Variants in ROBO2 observed in about 807,000 individuals in gnomAD.
ROBO2 encodes roundabout guidance receptor 2, also known as roundabout homolog 2.
In ROBO2, 53 loss-of-function variants were observed where a neutral mutation model predicts 160.8. The ratio of observed to expected loss-of-function variants is 0.33; its 90% CI spans 0.26 to 0.41. The LOEUF (loss-of-function observed/expected upper bound fraction) is 0.41, where lower values mean the gene tolerates loss of function less well. Ranked by LOEUF, ROBO2 falls within the 10% of genes least tolerant of loss-of-function variation. The pLI is 1.00. For missense variants in ROBO2, 1,577 were observed against 1,722.4 expected (o/e 0.92, Z 1.49); for synonymous variants, 664 against 611.7 (o/e 1.09, Z -1.26).
intron 2 of ROBO2, among the ~76,000 whole-genome samples, chr3:77,383,595 C>G (rs1028053257): frequency 6.6e-6 from 1 of 151,932 alleles, no homozygotes; most frequent in African/African-American, 2.4e-5. Flanking sequence ...TAAACTAATT[C>G]AAAGTTTAGT....
chr3:76,556,524 T>C (rs1279001090), intron 2 of ROBO2, among the ~76,000 whole-genome samples: 2 of 152,184 alleles, frequency 1.3e-5, no homozygotes, highest in Non-Finnish European at 2.9e-5. Flanking sequence ...TTGATACATA[T>C]GCATATTATA....
chr3:76,803,937 G>A (rs926836726), intron 2 of ROBO2, among the ~76,000 whole-genome samples: 4 of 152,222 alleles, frequency 2.6e-5, no homozygotes, highest in Non-Finnish European at 5.9e-5. Flanking sequence ...GGAAAATGAT[G>A]TGTTCACTTA....
intron 2 of ROBO2, among the ~76,000 whole-genome samples, chr3:77,025,662 A>C (rs2062918782): frequency 6.6e-6 from 1 of 152,208 alleles, no homozygotes; most frequent in Admixed American, 6.5e-5. Flanking sequence ...CCTGGGTGGT[A>C]TCATTTGTGT....
chr3:76,825,603 CAAAAAAAAAAA>C (rs201063990), intron 2 of ROBO2, among the ~76,000 whole-genome samples: 12 of 72,506 alleles, frequency 1.7e-4, no homozygotes, highest in East Asian at 4.9e-4. Flanking sequence ...TCATCTTAGC[CAAAAAAAAAAA>C]AAAAAAAAAA....
At chr3:77,325,960 ATC>A (rs1214310046) in intron 2 of ROBO2, among the ~76,000 whole-genome samples, 11 of 152,202 alleles carry the variant, frequency 7.2e-5, no homozygotes, top group African/African-American at 2.7e-4. Flanking sequence ...GGAATTGAAG[ATC>A]CTAGATTCAT....
chr3:76,701,219 G>T (rs1297666041), intron 2 of ROBO2, among the ~76,000 whole-genome samples: 1 of 152,128 alleles, frequency 6.6e-6, no homozygotes, highest in African/African-American at 2.4e-5. Context: ...TTGTTGAATA[G>T]ATGAAGGAAA....
chr3:76,188,570 A>C (rs1264384725), intron 2 of ROBO2, among the ~76,000 whole-genome samples: 1 of 151,996 alleles, frequency 6.6e-6, no homozygotes, highest in African/African-American at 2.4e-5. Flanking sequence ...TGAGGGAATA[A>C]ATTTCTGTTG....
intron 2 of ROBO2, among the ~76,000 whole-genome samples, chr3:76,325,821 T>TA (rs2072968896): frequency 6.6e-6 from 1 of 152,002 alleles, no homozygotes; most frequent in Non-Finnish European, 1.5e-5. Context: ...GAATAAAACA[T>TA]ACCTGTTCCT....
At chr3:76,077,924 C>A (rs1048627806) in intron 2 of ROBO2, among the ~76,000 whole-genome samples, 3 of 152,140 alleles carry the variant, frequency 2.0e-5, no homozygotes, top group Admixed American at 2.0e-4. Context: ...CCCCCTTTTG[C>A]CACCAAAATA....
At position 76,589,986 on chromosome 3, in the gene ROBO2, T is replaced by C. The variant is rs535562423; in HGVS notation, c.110-508028T>C. On this transcript the variant is annotated intron_variant, in intron 2 of 26. Transcript: ENST00000487694. ...GGATCTCAGGAGAGTAACAATTAAA[T>C]GTATGTTCCGGATAATGAAAAATAT... 5.9e-5 allele frequency among the ~76,000 whole-genome samples: 9 copies of C among 152,296 alleles called. No homozygotes were observed. The East Asian group carries it at 1.7e-3, about 29-fold the overall frequency.
At chr3:76,022,830 T>A (rs2066614361) in intron 2 of ROBO2, among the ~76,000 whole-genome samples, 1 of 151,754 alleles carries the variant, frequency 6.6e-6, no homozygotes, top group Non-Finnish European at 1.5e-5. Flanking sequence ...AGTGTCACCC[T>A]GTCCTTTGAA....
intron 2 of ROBO2, among the ~76,000 whole-genome samples, chr3:77,188,995 AAG>A (rs2081559701): frequency 8.3e-6 from 1 of 120,508 alleles, no homozygotes; most frequent in Admixed American, 8.6e-5. Flanking sequence ...GAGAGAGAGA[AAG>A]AGAGAGACTT....
chr3:76,399,113 T>G (rs1003658645), intron 2 of ROBO2, among the ~76,000 whole-genome samples: 2 of 151,700 alleles, frequency 1.3e-5, no homozygotes, highest in Non-Finnish European at 2.9e-5. Flanking sequence ...TTTATAACAT[T>G]GAAATCATAT....
chr3:77,015,349 G>A (rs1317268488), intron 2 of ROBO2, among the ~76,000 whole-genome samples: 1 of 152,160 alleles, frequency 6.6e-6, no homozygotes, highest in Non-Finnish European at 1.5e-5. Flanking sequence ...TGGGATTTAT[G>A]GGAGGCACAG....
intron 3 of ROBO2, among the ~76,000 whole-genome samples, chr3:77,479,470 G>C (rs2084420902): frequency 6.6e-6 from 1 of 152,108 alleles, no homozygotes; most frequent in Non-Finnish European, 1.5e-5. Flanking sequence ...AGGAATGTCA[G>C]AGAGACATTG....
At chr3:76,007,464 C>T (rs941961191) in intron 2 of ROBO2, among the ~76,000 whole-genome samples, 6 of 151,968 alleles carry the variant, frequency 3.9e-5, no homozygotes, top group African/African-American at 7.3e-5. Context: ...AACTGCTTAT[C>T]GAAAGTGTAC....
intron 2 of ROBO2, among the ~76,000 whole-genome samples, chr3:76,086,910 A>T (rs1308662146): frequency 6.6e-6 from 1 of 152,156 alleles, no homozygotes; most frequent in East Asian, 1.9e-4. Flanking sequence ...AATGCCTTTG[A>T]TGGGTTCATT....
chr3:76,934,012 A>G (rs1037181270), intron 2 of ROBO2, among the ~76,000 whole-genome samples: 1 of 152,126 alleles, frequency 6.6e-6, no homozygotes, highest in Non-Finnish European at 1.5e-5. Flanking sequence ...ATTCAGTAGC[A>G]TAAAATTTGC....
intron 2 of ROBO2, among the ~76,000 whole-genome samples, chr3:75,994,150 C>A (rs903074952): frequency 6.6e-6 from 1 of 152,080 alleles, no homozygotes; most frequent in Non-Finnish European, 1.5e-5. Flanking sequence ...ATCCAATTAA[C>A]TTTAGGGGGT....
Sources: gnomAD v4.1 joint callset for allele counts (sites outside exome capture counted in the v4.1 genomes callset) on GRCh38, gnomAD v4.1.1 for gene constraint, MANE v1.5 for transcripts, NCBI Gene and HGNC (gene_info 2026-07-23, HGNC 2026-07-21) for gene names.